HK1: variants seen among roughly 807,000 people sequenced by gnomAD.
HK1 encodes the protein hexokinase 1, also known as hexokinase-1.
Under a neutral mutation model 91.6 loss-of-function variants are expected in HK1, and 28 were observed. The ratio of observed to expected loss-of-function variants is 0.31; its 90% CI spans 0.23 to 0.42. The LOEUF (loss-of-function observed/expected upper bound fraction) is 0.42, where lower values mean the gene tolerates loss of function less well. Ranked by LOEUF, HK1 falls within the 10% of genes least tolerant of loss-of-function variation. The probability of loss-of-function intolerance (pLI) is 1.00; values close to 1 mark genes in which losing one functional copy is unlikely to be tolerated. For missense variants in HK1, 770 were observed against 1,219.8 expected (o/e 0.63, Z 5.49); for synonymous variants, 430 against 468.1 (o/e 0.92, Z 1.05).
intron 7 of HK1, among the ~76,000 whole-genome samples, chr10:69,372,735 T>C (rs1258131198): frequency 6.6e-6 from 1 of 152,186 alleles, no homozygotes; most frequent in Non-Finnish European, 1.5e-5. Flanking sequence ...TAGAGTTACA[T>C]AGCGGTCTTT....
chr10:69,385,453 G>T (rs979794182), intron 12 of HK1, among the ~76,000 whole-genome samples: 2 of 152,208 alleles, frequency 1.3e-5, no homozygotes, highest in South Asian at 2.1e-4. Flanking sequence ...ACAGTCTAGT[G>T]GGGGAGCCGA....
At chr10:69,393,051 G>A (rs551217019) in intron 15 of HK1, among the ~76,000 whole-genome samples, 2 of 152,070 alleles carry the variant, frequency 1.3e-5, no homozygotes, top group Admixed American at 6.6e-5. Flanking sequence ...GCGTGATCTC[G>A]GCTCACCACA....
intron 5 of HK1, among the ~76,000 whole-genome samples, chr10:69,304,550 C>T (rs947642248): frequency 5.9e-5 from 9 of 152,246 alleles, no homozygotes; most frequent in South Asian, 4.1e-4. Context: ...TCAAGTGATC[C>T]GCTCGCCTTG....
In HK1 at chr10:69,369,412, G is replaced by T. The variant is rs1007140363; in HGVS notation, c.692-29G>T. The T allele has an allele frequency of 6.2e-7, 1 of 1,614,080 alleles. No homozygotes were observed. Among genetic ancestry groups the T allele is most frequent in the African/African-American group, 1.3e-5 (1 of 74,940 alleles). ...GGCTCTGCACCCTCCCCGTTGTGTG[G>T]TCATAGCTTCTGATCTTGTCCTGCC... On this transcript the variant is annotated intron_variant, in intron 6 of 17. Transcript: ENST00000359426. This position sits in a 1 kb window ranked among gnomAD's most constrained non-coding sequence, Gnocchi z 4.4.
rs1839302507 is a variant in HK1 at position 69,379,924 on chromosome 10, A to G, written c.1094A>G (p.Asp365Gly). Reference protein sequence around the residue: ...ILTRLGVEPSDDDCVSVQHVC... With the variant: ...ILTRLGVEPSGDDCVSVQHVC... ...ACCCGCCTGGGAGTGGAGCCGTCCG[A>G]TGATGACTGTGTCTCAGTCCAGCAC... The change falls in exon 9 of 18, where the codon GAT (aspartate) becomes GGT (glycine). Residue 365 changes from aspartate to glycine, a missense_variant. Physicochemically the swap from Asp to Gly is moderately conservative, Grantham distance 94. Around this residue, in one of 7 missense-constraint regions of HK1, gnomAD observed 449 missense variants for 665.1 expected, o/e 0.68. Transcript: ENST00000359426. 6.2e-7 allele frequency: 1 copy of G among 1,614,110 alleles called. No individual in the cohort carries two copies. The highest frequency in any genetic ancestry group is 1.3e-5 in the African/African-American group (1 of 74,930).
chr10:69,339,026 C>T (rs559566920), intron 1 of HK1, among the ~76,000 whole-genome samples: 5 of 152,202 alleles, frequency 3.3e-5, no homozygotes, highest in African/African-American at 1.2e-4. Flanking sequence ...TTCCCAGCCT[C>T]TTTCCCAGGG....
At chr10:69,388,320 A>G (rs1839742967) in intron 13 of HK1, among the ~76,000 whole-genome samples, 1 of 152,144 alleles carries the variant, frequency 6.6e-6, no homozygotes, top group Non-Finnish European at 1.5e-5. Flanking sequence ...GTGGTGCACA[A>G]CCTGTGGTCC....
chr10:69,359,039 C>T (rs1333519116), intron 2 of HK1, among the ~76,000 whole-genome samples: 1 of 150,552 alleles, frequency 6.6e-6, no homozygotes, highest in African/African-American at 2.5e-5. Context: ...CAGAGCAAGA[C>T]CCTGTCTCTA....
intron 1 of HK1, among the ~76,000 whole-genome samples, chr10:69,281,338 C>T (rs982146175): frequency 3.9e-5 from 6 of 152,276 alleles, no homozygotes; most frequent in Non-Finnish European, 7.4e-5. Context: ...CCCTAGAGGA[C>T]GGGGACCAAG....
Position 69,382,467 on chromosome 10 carries a change from G to A in HK1, c.1266-20G>A. 3 of 1,613,800 alleles carry A rather than the reference G, an allele frequency of 1.9e-6. No homozygotes were observed. The highest frequency in any genetic ancestry group is 2.5e-6 in the Non-Finnish European group (3 of 1,179,680). On this transcript the variant is annotated intron_variant, in intron 9 of 17. Transcript: ENST00000359426. ...ATGCTCAGTCCAGCTGTTGTGGAATGTCCCCCCTGCCCCCATAAGGTATTC... is the reference window on the plus strand; with the variant it reads ...ATGCTCAGTCCAGCTGTTGTGGAATATCCCCCCTGCCCCCATAAGGTATTC...
chr10:69,368,541 C>G lies in HK1; in HGVS notation c.501C>G (p.Ile167Met). ...CCATCCATTCTTCTTTGCAGGCCAT[C>G]CTGATCACCTGGACAAAGCGATTTA... is the stretch of plus-strand genomic sequence containing the variant. ...PCQQSKIDEA[I>M]LITWTKRFKA... Residue 167 changes from isoleucine to methionine, a missense_variant, in exon 5 of 18, where the codon ATC becomes ATG. Physicochemically the swap from Ile to Met is conservative, Grantham distance 10. Transcript: ENST00000359426. 1.2e-6 allele frequency: 2 copies of G among 1,614,064 alleles called. No homozygotes were observed. The highest frequency in any genetic ancestry group is 1.7e-6 in the Non-Finnish European group (2 of 1,179,900).
At chr10:69,296,971 G>A (rs2132483586) in intron 4 of HK1, among the ~76,000 whole-genome samples, 1 of 152,246 alleles carries the variant, frequency 6.6e-6, no homozygotes, top group African/African-American at 2.4e-5. Context: ...TGCTGTGCAA[G>A]ATGATCTACT....
intron 1 of HK1, among the ~76,000 whole-genome samples, chr10:69,326,503 A>T (rs572492465): frequency 6.6e-6 from 1 of 152,324 alleles, no homozygotes; most frequent in South Asian, 2.1e-4. Context: ...AAAATCAGGA[A>T]TAGGATTCAG....
At chr10:69,368,667 G>T in intron 5 of HK1, 36 bp downstream of exon 5, 1 of 1,523,124 alleles carries the variant, frequency 6.6e-7, no homozygotes. Flanking sequence ...CAGCCATGCA[G>T]GGGTGTGGGG....
At chr10:69,299,358 T>G (rs954873157) in intron 4 of HK1, among the ~76,000 whole-genome samples, 3 of 149,286 alleles carry the variant, frequency 2.0e-5, no homozygotes, top group Non-Finnish European at 4.4e-5. Context: ...TGTTTGTGGT[T>G]TTTGTTTGTT....
Position 69,369,579 on chromosome 10 carries a change from T to A in HK1, c.830T>A (p.Phe277Tyr). The A allele has an allele frequency of 6.2e-7, 1 of 1,614,156 alleles. No individual in the cohort carries two copies. Reference protein sequence around the residue: ...DGSLEDIRTEFDREIDRGSLN... With the variant: ...DGSLEDIRTEYDREIDRGSLN... Reference sequence around the variant, plus strand: ...TCATTAGAAGACATCCGGACAGAGTTTGACAGGGAGATAGACCGGGGATCC... The same window carrying A: ...TCATTAGAAGACATCCGGACAGAGTATGACAGGGAGATAGACCGGGGATCC... The change falls in exon 7 of 18, where the codon TTT becomes TAT. Residue 277 changes from phenylalanine to tyrosine, a missense_variant. Coordinates refer to ENST00000359426, the MANE Select transcript of HK1 (RefSeq NM_000188.3). This position sits in a 1 kb window ranked among gnomAD's most constrained non-coding sequence, Gnocchi z 4.4.
At chr10:69,277,039 G>A (rs928495195) in intron 1 of HK1, among the ~76,000 whole-genome samples, 24 of 151,910 alleles carry the variant, frequency 1.6e-4, no homozygotes, top group East Asian at 1.9e-4. Context: ...GTGTTTTGAC[G>A]GAGAGATATT....
chr10:69,388,926 C>G (rs1839771235), intron 13 of HK1, among the ~76,000 whole-genome samples: 1 of 152,238 alleles, frequency 6.6e-6, no homozygotes, highest in African/African-American at 2.4e-5. Flanking sequence ...TGCCCCTTGT[C>G]TCTCCTATTC....
intron 3 of HK1, among the ~76,000 whole-genome samples, chr10:69,290,744 C>T (rs1845263982): frequency 1.3e-5 from 2 of 152,178 alleles, no homozygotes; most frequent in South Asian, 4.1e-4. Flanking sequence ...AGGTGATCCA[C>T]CCGCCTCAGC....
Sources: gnomAD v4.1 joint callset for allele counts (sites outside exome capture counted in the v4.1 genomes callset) on GRCh38, gnomAD v4.1.1 for gene constraint, gnomAD v4.1.1 regional missense constraint, Gnocchi (gnomAD v3.1) non-coding constraint, MANE v1.5 for transcripts, NCBI Gene and HGNC (gene_info 2026-07-23, HGNC 2026-07-21) for gene names.